Variants in NIPA1 observed in about 807,000 individuals in gnomAD.
The protein encoded by NIPA1 is magnesium transporter NIPA1.
A neutral mutation model predicts 23.9 loss-of-function variants in NIPA1; 13 were observed. That is an observed-to-expected ratio of 0.54 (90% CI 0.35 to 0.87). The LOEUF (loss-of-function observed/expected upper bound fraction) is 0.87. NIPA1 is among the 40% of genes least tolerant of loss of function. The pLI is 0.01. For synonymous variants in NIPA1, 234 were observed against 202.9 expected (o/e 1.15, Z -1.30); for missense variants, 362 against 429.7 (o/e 0.84, Z 1.39).
At position 22,810,813 on chromosome 15, in the gene NIPA1, G is replaced by A; in HGVS notation, c.226+17G>A. The stretch of plus-strand genomic sequence containing the variant: ...CAATCGCAAGTAAGTAGCCTGTGTG[G>A]CGAAGTCTGGTCTTTTCCTTTCTTA... On this transcript the variant is annotated intron_variant, in intron 2 of 4. Coordinates refer to ENST00000337435, the MANE Select transcript of NIPA1 (RefSeq NM_144599.5). 1.3e-6 allele frequency: 2 copies of A among 1,594,866 alleles called. No homozygotes were observed. The highest frequency in any genetic ancestry group is 1.7e-6 in the Non-Finnish European group (2 of 1,162,390).
intron 1 of NIPA1, among the ~76,000 whole-genome samples, chr15:22,799,707 A>G (rs1472000207): frequency 2.6e-5 from 4 of 151,448 alleles, no homozygotes; most frequent in Admixed American, 6.6e-5. Flanking sequence ...GCGTGAACCC[A>G]GGAGGCGGAG....
At chr15:22,811,004 A>G (rs1465110105) in intron 2 of NIPA1, 1 of 590,054 alleles carries the variant, frequency 1.7e-6, no homozygotes, top group Admixed American at 2.9e-5. Context: ...TCCCAGGATG[A>G]GAGTGCAGAA....
intron 1 of NIPA1, among the ~76,000 whole-genome samples, chr15:22,796,559 C>T (rs940621694): frequency 6.6e-6 from 1 of 152,016 alleles, no homozygotes; most frequent in African/African-American, 2.4e-5. Context: ...CCATCTTAGC[C>T]TTCCAAATTA....
chr15:22,794,806 T>C (rs962969361), intron 1 of NIPA1, among the ~76,000 whole-genome samples: 4 of 152,140 alleles, frequency 2.6e-5, no homozygotes, highest in Non-Finnish European at 5.9e-5. Context: ...CTGCTGCTTC[T>C]GGGGACCCTC....
At position 22,811,267 on chromosome 15, in the gene NIPA1, C is replaced by T. The variant is rs184828441; in HGVS notation, c.226+471C>T. Among the ~76,000 whole-genome samples, 5 of 152,110 alleles carry T rather than the reference C, an allele frequency of 3.3e-5. No homozygotes were observed. In the East Asian group the frequency reaches 9.6e-4, roughly 29 times the overall value. ...AAAGATAAATAATAATATTAGAGTT[C>T]AGAACTCTAAATGTATTATAAAGGA... On this transcript the variant is annotated intron_variant, in intron 2 of 4. Transcript: ENST00000337435.
At chr15:22,794,713 T>C (rs543114384) in intron 1 of NIPA1, among the ~76,000 whole-genome samples, 4 of 152,128 alleles carry the variant, frequency 2.6e-5, no homozygotes, top group African/African-American at 9.6e-5. Flanking sequence ...ATGTATTCTT[T>C]CTCATTGCCT....
At chr15:22,800,695 G>A (rs1162308275) in intron 1 of NIPA1, among the ~76,000 whole-genome samples, 5 of 152,034 alleles carry the variant, frequency 3.3e-5, no homozygotes, top group Non-Finnish European at 7.4e-5. Context: ...TTGGGAGGCC[G>A]AGGTGGGCAT....
chr15:22,793,311 TGCACTCCACTTCACGCCAGCCAGGCTACG>T, intron 1 of NIPA1, among the ~76,000 whole-genome samples: 1 of 124,506 alleles, frequency 8.0e-6, no homozygotes, highest in Non-Finnish European at 1.6e-5. Flanking sequence ...ATCGCACCAC[TGCACTCCACTTCACGCCAGCCAGGCTACG>T]GAGTGAGACT....
At chr15:22,818,197 G>A (rs1240030579) in intron 3 of NIPA1, among the ~76,000 whole-genome samples, 2 of 152,200 alleles carry the variant, frequency 1.3e-5, no homozygotes. Context: ...CCAGCACTTT[G>A]GGAGGCCGAG....
intron 1 of NIPA1, among the ~76,000 whole-genome samples, chr15:22,809,474 C>T (rs151104257): frequency 3.9e-5 from 6 of 152,142 alleles, no homozygotes; most frequent in Non-Finnish European, 5.9e-5. Flanking sequence ...GCAGGCCAGG[C>T]GTGCTGCACA....
chr15:22,824,103 AC>A lies in NIPA1; in HGVS notation c.855del (p.Asn285LysfsTer37). The A allele has an allele frequency of 6.2e-7, 1 of 1,614,130 alleles. No individual in the cohort carries two copies. The highest frequency in any genetic ancestry group is 2.2e-5 in the East Asian group (1 of 44,882). ...ASAILFREWSNVGLVDFLGMA... is the reference protein window; with the variant it reads ...ASAILFREWSXVGLVDFLGMA... ...GCCATCCTCTTCCGGGAGTGGAGCAACGTGGGCCTGGTGGACTTCTTGGGGA... is the reference window on the plus strand; with the variant it reads ...GCCATCCTCTTCCGGGAGTGGAGCAAGTGGGCCTGGTGGACTTCTTGGGGA... On this transcript the variant is annotated frameshift_variant, in exon 5 of 5. Coordinates refer to ENST00000337435, the MANE Select transcript of NIPA1 (RefSeq NM_144599.5). LOFTEE classifies it high-confidence loss of function. This position sits in a 1 kb window ranked among gnomAD's most constrained non-coding sequence, Gnocchi z 4.1.
At chr15:22,797,708 G>A (rs1369373690) in intron 1 of NIPA1, among the ~76,000 whole-genome samples, 2 of 150,334 alleles carry the variant, frequency 1.3e-5, no homozygotes, top group Non-Finnish European at 2.9e-5. Context: ...TCACTATATT[G>A]GCTAGGCTGG....
At position 22,825,018 on chromosome 15, in the gene NIPA1, G is replaced by A. The variant is rs905354428; in HGVS notation, c.*779G>A. 3.3e-5 allele frequency: 5 copies of A among 152,526 alleles called. No individual in the cohort carries two copies. The highest frequency in any genetic ancestry group is 1.2e-4 in the African/African-American group (5 of 41,414). The allele number at this position is 152,526 out of a possible 1,614,324, so 9.4% of individuals were successfully genotyped here. Reference sequence around the variant, plus strand: ...CAATATTCAAGTTACAAATGTATAAGGCAGTTAGAAATAATACAGTCACAT... The same window carrying A: ...CAATATTCAAGTTACAAATGTATAAAGCAGTTAGAAATAATACAGTCACAT... On this transcript the variant is annotated 3_prime_UTR_variant, in exon 5 of 5. Transcript: ENST00000337435.
At chr15:22,821,096 G>A (rs954882127) in intron 4 of NIPA1, among the ~76,000 whole-genome samples, 4 of 151,598 alleles carry the variant, frequency 2.6e-5, no homozygotes, top group South Asian at 2.1e-4. Flanking sequence ...CTGAGTAGCC[G>A]GGGACTACAG....
At chr15:22,822,465 C>T (rs1423583070) in intron 4 of NIPA1, among the ~76,000 whole-genome samples, 1 of 152,152 alleles carries the variant, frequency 6.6e-6, no homozygotes, top group Non-Finnish European at 1.5e-5. Flanking sequence ...CCCTGCCTTA[C>T]CCCTGCCCCC....
chr15:22,823,770 TGC>T lies in NIPA1; in HGVS notation c.522_523del (p.Leu175HisfsTer44). The T allele has an allele frequency of 1.2e-6, 2 of 1,613,164 alleles. No individual in the cohort carries two copies. Among genetic ancestry groups the T allele is most frequent in the Non-Finnish European group, 1.7e-6 (2 of 1,179,770 alleles). On this transcript the variant is annotated frameshift_variant, in exon 5 of 5. Coordinates refer to ENST00000337435, the MANE Select transcript of NIPA1 (RefSeq NM_144599.5). LOFTEE classifies it high-confidence loss of function. ...TGCATCGTGCTGCTCATGCTGCTGCTGCTCATCTTCTGGATCGCGCCGGCCCA... is the reference window on the plus strand; with the variant it reads ...TGCATCGTGCTGCTCATGCTGCTGCTTCATCTTCTGGATCGCGCCGGCCCA...
chr15:22,786,730 C>A lies in NIPA1; in HGVS notation c.74C>A (p.Pro25His). The A allele has an allele frequency of 8.0e-7, 1 of 1,253,962 alleles. No individual in the cohort carries two copies. 77.7% of individuals were successfully genotyped at this position (1,253,962 alleles called of 1,614,324 possible). A position where few individuals can be genotyped will look rare whatever the true frequency, so the allele number is the denominator to read the frequency against. Residue 25 changes from proline (P) to histidine (H), a missense_variant, in exon 1 of 5, where the codon CCC (proline) becomes CAC (histidine). Transcript: ENST00000337435. ...GGGGAGGGGGCGCGTAGCCCGAGCC[C>A]CGCCGCCGTGTCGCTCGGCCTGGGC... is the stretch of plus-strand genomic sequence containing the variant. The part of the protein sequence containing the change: ...AAGEGARSPS[P>H]AAVSLGLGVA...
intron 4 of NIPA1, among the ~76,000 whole-genome samples, chr15:22,821,567 T>C (rs777466248): frequency 6.6e-6 from 1 of 151,862 alleles, no homozygotes; most frequent in Admixed American, 6.6e-5. Context: ...CCACACTCGC[T>C]GGTTTTCTTG....
At chr15:22,813,619 C>A (rs986794541) in intron 3 of NIPA1, 1 of 455,772 alleles carries the variant, frequency 2.2e-6, no homozygotes, top group African/African-American at 2.0e-5. Flanking sequence ...CATTGGTTTT[C>A]TGCTGTATTC....
Sources: allele counts gnomAD v4.1 joint callset (sites outside exome capture counted in the v4.1 genomes callset), GRCh38; gene constraint gnomAD v4.1.1; non-coding constraint Gnocchi (gnomAD v3.1); transcripts MANE v1.5; gene names NCBI Gene and HGNC (gene_info 2026-07-23, HGNC 2026-07-21).